Variants in PCDH15 observed in about 807,000 individuals in gnomAD.
PCDH15 encodes protocadherin-15.
A neutral mutation model predicts 178.5 loss-of-function variants in PCDH15; 129 were observed. The observed-to-expected ratio is 0.72, with a 90% CI of 0.63 to 0.84. The LOEUF (loss-of-function observed/expected upper bound fraction) is 0.84. Ranked by LOEUF, PCDH15 falls within the 40% of genes least tolerant of loss-of-function variation. The pLI is 0.00. For missense variants in PCDH15, 2,230 were observed against 2,099.9 expected (o/e 1.06, Z -1.21); for synonymous variants, 800 against 732.0 (o/e 1.09, Z -1.50).
chr10:54,893,244 A>T (rs1294136262), intron 3 of PCDH15, among the ~76,000 whole-genome samples: 1 of 152,176 alleles, frequency 6.6e-6, no homozygotes, highest in East Asian at 1.9e-4. Context: ...TACACTAAAA[A>T]CCAAAAATGA....
At chr10:54,337,815 C>G (rs2134019893) in intron 6 of PCDH15, among the ~76,000 whole-genome samples, 1 of 152,266 alleles carries the variant, frequency 6.6e-6, no homozygotes, top group Middle Eastern at 3.4e-3. Flanking sequence ...AAGGATCTAT[C>G]CTTCATTTGG....
chr10:55,029,297 A>G (rs1465745583), intron 2 of PCDH15, among the ~76,000 whole-genome samples: 1 of 151,990 alleles, frequency 6.6e-6, no homozygotes, highest in Non-Finnish European at 1.5e-5. Flanking sequence ...TGTTTTATAT[A>G]AATATGTGTG....
intron 1 of PCDH15, among the ~76,000 whole-genome samples, chr10:55,232,380 A>G (rs537416267): frequency 6.6e-6 from 1 of 152,220 alleles, no homozygotes; most frequent in Non-Finnish European, 1.5e-5. Flanking sequence ...GAAAAGCTTT[A>G]TTCTTGTAGA....
At chr10:53,870,696 C>A (rs1026530289) in intron 26 of PCDH15, among the ~76,000 whole-genome samples, 2 of 152,126 alleles carry the variant, frequency 1.3e-5, no homozygotes, top group African/African-American at 4.8e-5. Context: ...ATAACAAATA[C>A]ATATTTTAAA....
At chr10:53,851,724 TTAC>T in intron 28 of PCDH15, among the ~76,000 whole-genome samples, 1 of 78,794 alleles carries the variant, frequency 1.3e-5, no homozygotes, top group South Asian at 4.0e-4. Context: ...ATATATATAT[TTAC>T]ACACACACAT....
intron 5 of PCDH15, among the ~76,000 whole-genome samples, chr10:54,359,037 C>T (rs1265162333): frequency 6.7e-6 from 1 of 149,184 alleles, no homozygotes; most frequent in East Asian, 2.0e-4. Flanking sequence ...GGAGGGATAG[C>T]ATTAGGAGAT....
At chr10:54,522,288 A>G (rs1046722846) in intron 3 of PCDH15, among the ~76,000 whole-genome samples, 1 of 152,142 alleles carries the variant, frequency 6.6e-6, no homozygotes, top group African/African-American at 2.4e-5. Flanking sequence ...AAAAGTCAAA[A>G]ACATTTTTGA....
At chr10:53,945,324 C>G (rs2086447368) in intron 23 of PCDH15, among the ~76,000 whole-genome samples, 1 of 151,996 alleles carries the variant, frequency 6.6e-6, no homozygotes, top group Non-Finnish European at 1.5e-5. Flanking sequence ...ATTTTATATA[C>G]TTATGGTGTA....
At chr10:54,644,854 T>C (rs2094088524) in intron 2 of PCDH15, among the ~76,000 whole-genome samples, 2 of 152,126 alleles carry the variant, frequency 1.3e-5, no homozygotes, top group South Asian at 4.1e-4. Context: ...ATAGAAGGGC[T>C]GAAGGGAACT....
intron 2 of PCDH15, among the ~76,000 whole-genome samples, chr10:54,532,448 T>G (rs1423630910): frequency 1.3e-5 from 2 of 152,154 alleles, no homozygotes; most frequent in East Asian, 1.9e-4. Context: ...CTCATAACTC[T>G]GCCTCATAAT....
At chr10:55,445,654 T>C (rs1313781337) in intron 2 of PCDH15, among the ~76,000 whole-genome samples, 3 of 152,064 alleles carry the variant, frequency 2.0e-5, no homozygotes, top group African/African-American at 4.8e-5. Flanking sequence ...GAAATGAAAA[T>C]ACACAATTTA....
At chr10:54,134,337 TGGCCTAGA>T (rs2133079334) in intron 14 of PCDH15, among the ~76,000 whole-genome samples, 1 of 88,322 alleles carries the variant, frequency 1.1e-5, no homozygotes, top group South Asian at 5.1e-4. Flanking sequence ...GCACCACACC[TGGCCTAGA>T]ATCTCCTTAA....
intron 8 of PCDH15, among the ~76,000 whole-genome samples, chr10:54,237,844 T>C (rs1369230287): frequency 6.6e-6 from 1 of 152,200 alleles, no homozygotes; most frequent in Non-Finnish European, 1.5e-5. Flanking sequence ...GGAAATATGA[T>C]ATTAAATACA....
chr10:54,724,621 AG>A, intron 1 of PCDH15, among the ~76,000 whole-genome samples: 1 of 151,656 alleles, frequency 6.6e-6, no homozygotes, highest in African/African-American at 2.4e-5. Context: ...ATGGTGCACC[AG>A]AATATATAAA....
At chr10:54,901,439 T>C (rs1188090401) in intron 2 of PCDH15, among the ~76,000 whole-genome samples, 1 of 152,194 alleles carries the variant, frequency 6.6e-6, no homozygotes, top group African/African-American at 2.4e-5. Context: ...ATGTAGATTT[T>C]GGTGTTTATA....
intron 15 of PCDH15, among the ~76,000 whole-genome samples, chr10:54,127,562 C>G (rs2042087264): frequency 1.3e-5 from 2 of 152,050 alleles, no homozygotes; most frequent in African/African-American, 4.8e-5. Context: ...GGAAAATATC[C>G]AATTAAGAGT....
At chr10:55,579,159 A>G (rs1444093502) in intron 2 of PCDH15, among the ~76,000 whole-genome samples, 1 of 152,216 alleles carries the variant, frequency 6.6e-6, no homozygotes, top group Non-Finnish European at 1.5e-5. Context: ...TAGTTACTGA[A>G]TTTAGAATTT....
At chr10:55,370,062 T>G (rs1588961613) in intron 2 of PCDH15, among the ~76,000 whole-genome samples, 1 of 152,074 alleles carries the variant, frequency 6.6e-6, no homozygotes, top group East Asian at 1.9e-4. Flanking sequence ...TTAAAAGATC[T>G]GATATCCACT....
chr10:54,745,818 A>G (rs1462389857), intron 1 of PCDH15, among the ~76,000 whole-genome samples: 1 of 152,146 alleles, frequency 6.6e-6, no homozygotes, highest in East Asian at 1.9e-4. Flanking sequence ...ACAGTTTCCA[A>G]ATGTCTGGGA....
Sources: allele counts gnomAD v4.1 joint callset (sites outside exome capture counted in the v4.1 genomes callset), GRCh38; gene constraint gnomAD v4.1.1; transcripts MANE v1.5; gene names NCBI Gene and HGNC (gene_info 2026-07-23, HGNC 2026-07-21).